ACSF2: variants seen among roughly 807,000 people sequenced by gnomAD.
ACSF2 encodes the protein medium-chain acyl-CoA ligase ACSF2, mitochondrial.
In ACSF2, 52 loss-of-function variants were observed where a neutral mutation model predicts 79.3. The ratio of observed to expected loss-of-function variants is 0.66; its 90% CI spans 0.53 to 0.83. The LOEUF is 0.83. ACSF2 is among the 40% of genes least tolerant of loss of function. The probability of loss-of-function intolerance (pLI) is 0.00; values close to 1 mark genes in which losing one functional copy is unlikely to be tolerated. For synonymous variants in ACSF2, 283 were observed against 312.6 expected, an observed-to-expected ratio of 0.91 and a Z score of 1.00; for missense variants, 661 against 803.3, an observed-to-expected ratio of 0.82 and a Z score of 2.14.
chr17:50,439,074 CT>C lies in ACSF2; in HGVS notation c.128+12695del, dbSNP rs568470984. On this transcript the variant is annotated intron_variant, in intron 1 of 15. Coordinates refer to ENST00000300441, the MANE Select transcript of ACSF2 (RefSeq NM_025149.6). ...TCAATAAACAATACATATTTTATGCCTTTTTTTTTTCAAGAGACAGGGTCTT... is the reference window on the plus strand; with the variant it reads ...TCAATAAACAATACATATTTTATGCCTTTTTTTTTCAAGAGACAGGGTCTT... Among the ~76,000 whole-genome samples, 393 of 145,822 alleles carry C rather than the reference CT, an allele frequency of 2.7e-3. 2 individuals carry two copies. Among genetic ancestry groups the C allele is most frequent in the African/African-American group, 9.1e-3 (364 of 39,822 alleles).
intron 10 of ACSF2, among the ~76,000 whole-genome samples, chr17:50,469,325 C>T (rs2032981811): frequency 6.6e-6 from 1 of 152,242 alleles, no homozygotes; most frequent in Non-Finnish European, 1.5e-5. Context: ...CGGGGCCGGA[C>T]AGCTGGATGC....
At chr17:50,469,391 T>TG (rs2032987249) in intron 10 of ACSF2, among the ~76,000 whole-genome samples, 2 of 152,158 alleles carry the variant, frequency 1.3e-5, no homozygotes, top group African/African-American at 4.8e-5. Flanking sequence ...GTGCGGCGCC[T>TG]GCCGAGCGTG....
At chr17:50,464,005 TA>T (rs1183261562) in intron 9 of ACSF2, 96 bp downstream of exon 9, 6 of 813,804 alleles carry the variant, frequency 7.4e-6, no homozygotes, top group East Asian at 5.2e-5. Context: ...GTCTTTTATA[TA>T]GGGGGCAAGA....
chr17:50,446,996 G>A (rs768824381), intron 1 of ACSF2, among the ~76,000 whole-genome samples: 2 of 152,160 alleles, frequency 1.3e-5, no homozygotes, highest in African/African-American at 2.4e-5. Context: ...ATACCTAGGA[G>A]TAGATTATGC....
intron 1 of ACSF2, among the ~76,000 whole-genome samples, chr17:50,430,222 A>G (rs759859351): frequency 3.3e-5 from 5 of 152,218 alleles, no homozygotes; most frequent in Admixed American, 1.3e-4. Flanking sequence ...CTATGATCAT[A>G]TAAGACTGTG....
chr17:50,443,057 A>G (rs1165546358), intron 1 of ACSF2, among the ~76,000 whole-genome samples: 1 of 151,840 alleles, frequency 6.6e-6, no homozygotes, highest in African/African-American at 2.4e-5. Flanking sequence ...CTATGGGTGC[A>G]CGCCACCATG....
intron 10 of ACSF2, 81 bp downstream of exon 10, chr17:50,464,375 G>A (rs1024966348): frequency 1.1e-5 from 16 of 1,402,684 alleles, no homozygotes; most frequent in Admixed American, 1.7e-5. Flanking sequence ...GATGAGTCCA[G>A]GCCAGATGTT....
chr17:50,447,120 C>T (rs1023477834), intron 1 of ACSF2, among the ~76,000 whole-genome samples: 2 of 152,284 alleles, frequency 1.3e-5, no homozygotes, highest in Non-Finnish European at 2.9e-5. Context: ...TACCCTATGT[C>T]CTTGTAGCTA....
intron 4 of ACSF2, 43 bp from the exon 5 acceptor site, chr17:50,462,140 TG>T: frequency 6.4e-7 from 1 of 1,573,480 alleles, no homozygotes; most frequent in Non-Finnish European, 8.7e-7. Context: ...AGCTCTAGTC[TG>T]GGGCTCCCCG....
chr17:50,465,777 C>A (rs1486657097), intron 10 of ACSF2: 1 of 1,613,606 alleles, frequency 6.2e-7, no homozygotes, highest in Non-Finnish European at 8.5e-7. Flanking sequence ...TCCAGGCTGT[C>A]GAAGGGGAAG....
At chr17:50,468,751 G>A in intron 10 of ACSF2, 1 of 1,598,606 alleles carries the variant, frequency 6.3e-7, no homozygotes, top group South Asian at 1.1e-5. Context: ...GGGGGCAGGC[G>A]GCCAGCGCCG....
chr17:50,462,697 G>C, intron 6 of ACSF2, 112 bp downstream of exon 6: 1 of 1,291,468 alleles, frequency 7.7e-7, no homozygotes, highest in Middle Eastern at 1.9e-4. Flanking sequence ...TCTTTACTGA[G>C]ACTGGCCTTC....
At chr17:50,426,483 C>A in intron 1 of ACSF2, 94 bp downstream of exon 1, 2 of 1,258,320 alleles carry the variant, frequency 1.6e-6, no homozygotes, top group Non-Finnish European at 1.0e-6. Flanking sequence ...CACCTCTGGA[C>A]GAGTGCACTG....
chr17:50,440,694 C>A (rs1363366185), intron 1 of ACSF2, among the ~76,000 whole-genome samples: 1 of 152,214 alleles, frequency 6.6e-6, no homozygotes, highest in Non-Finnish European at 1.5e-5. Flanking sequence ...TGCCCTGAAC[C>A]AGCTGGCTCG....
chr17:50,461,951 T>TGTGTGC (rs112810352), intron 4 of ACSF2, among the ~76,000 whole-genome samples: 33 of 150,482 alleles, frequency 2.2e-4, no homozygotes, highest in Admixed American at 4.6e-4. Context: ...TGTGTGTGTG[T>TGTGTGC]GCGTGTGTCC....
chr17:50,438,009 A>C (rs1273146223), intron 1 of ACSF2, among the ~76,000 whole-genome samples: 1 of 152,198 alleles, frequency 6.6e-6, no homozygotes, highest in African/African-American at 2.4e-5. Context: ...AATTTAATAT[A>C]TGTTGTGCTG....
In ACSF2 at chr17:50,461,621, C is replaced by T. The variant is rs373505670; in HGVS notation, c.454-12C>T. On this transcript the variant is annotated splice_polypyrimidine_tract_variant and intron_variant, in intron 3 of 15. Transcript: ENST00000300441. ...GCCCAGAATACTGATATGCCCTCGC[C>T]GCTTCCACCAGGTGTCTGTGAACCC... 3.7e-6 allele frequency: 6 copies of T among 1,614,106 alleles called. No homozygotes were observed. The highest frequency in any genetic ancestry group is 1.7e-5 in the Admixed American group (1 of 60,024).
At chr17:50,457,634 T>C (rs1421113722) in intron 1 of ACSF2, among the ~76,000 whole-genome samples, 1 of 152,036 alleles carries the variant, frequency 6.6e-6, no homozygotes, top group Non-Finnish European at 1.5e-5. Flanking sequence ...GAGTAGGTTA[T>C]CTTCTTTTGG....
chr17:50,442,933 C>T (rs571934149), intron 1 of ACSF2, among the ~76,000 whole-genome samples: 2 of 148,970 alleles, frequency 1.3e-5, no homozygotes, highest in South Asian at 2.1e-4. Context: ...TTTTCTGAGA[C>T]GGAGTCTCAC....
Sources: gnomAD v4.1 joint callset for allele counts (sites outside exome capture counted in the v4.1 genomes callset) on GRCh38, gnomAD v4.1.1 for gene constraint, MANE v1.5 for transcripts, NCBI Gene and HGNC (gene_info 2026-07-23, HGNC 2026-07-21) for gene names.